The following NPSR1 variants were observed in gnomAD, a reference collection of about 807,000 sequenced individuals.
NPSR1 encodes neuropeptide S receptor 1, also known as neuropeptide S receptor.
A neutral mutation model predicts 46.9 loss-of-function variants in NPSR1; 48 were observed. The ratio of observed to expected loss-of-function variants is 1.02; its 90% CI spans 0.81 to 1.30. The LOEUF (loss-of-function observed/expected upper bound fraction) is 1.30. Among genes scored for constraint, NPSR1 ranks in the 50% most tolerant of loss-of-function variants. The probability of loss-of-function intolerance (pLI) is 0.00; values close to 1 mark genes in which losing one functional copy is unlikely to be tolerated. For missense variants in NPSR1, 450 were observed against 449.5 expected, an observed-to-expected ratio of 1.00 and a Z score of -0.01; for synonymous variants, 176 against 168.1, an observed-to-expected ratio of 1.05 and a Z score of -0.36.
chr7:34,744,330 T>C (rs895097235), intron 2 of NPSR1, among the ~76,000 whole-genome samples: 2 of 152,222 alleles, frequency 1.3e-5, no homozygotes, highest in Admixed American at 6.5e-5. Context: ...TTTATTGTTG[T>C]TTTAAAATTT....
intron 2 of NPSR1, among the ~76,000 whole-genome samples, chr7:34,701,940 G>T (rs1261403740): frequency 6.6e-6 from 1 of 152,158 alleles, no homozygotes; most frequent in Non-Finnish European, 1.5e-5. Context: ...GAATCTGCTG[G>T]AATTAGATTC....
chr7:34,750,147 A>C (rs1785446065), intron 2 of NPSR1: 1 of 316,354 alleles, frequency 3.2e-6, no homozygotes, highest in African/African-American at 2.2e-5. Flanking sequence ...TTTTTTCAAA[A>C]AAGGAGACAG....
At chr7:34,673,468 T>C (rs2128676146) in intron 1 of NPSR1, among the ~76,000 whole-genome samples, 2 of 152,284 alleles carry the variant, frequency 1.3e-5, no homozygotes, top group South Asian at 4.1e-4. Context: ...GATAAATGCC[T>C]TTCCCTCTGC....
At chr7:34,751,281 C>G (rs557722202) in intron 2 of NPSR1, 1 of 966,728 alleles carries the variant, frequency 1.0e-6, no homozygotes, top group East Asian at 2.4e-5. Context: ...GCATGGTGAA[C>G]AGAAGATGAG....
At chr7:34,690,148 C>T (rs183931153) in intron 2 of NPSR1, among the ~76,000 whole-genome samples, 14 of 151,910 alleles carry the variant, frequency 9.2e-5, no homozygotes, top group African/African-American at 2.2e-4. Context: ...TACCAAGAAA[C>T]GCTTATACAG....
intron 2 of NPSR1, among the ~76,000 whole-genome samples, chr7:34,727,099 G>A (rs1198778318): frequency 1.3e-5 from 2 of 152,074 alleles, no homozygotes; most frequent in Non-Finnish European, 2.9e-5. Flanking sequence ...CAGGGAGTGG[G>A]GGTTGTGCAT....
chr7:34,715,851 T>C (rs1416521631), intron 2 of NPSR1, among the ~76,000 whole-genome samples: 1 of 152,228 alleles, frequency 6.6e-6, no homozygotes, highest in Non-Finnish European at 1.5e-5. Flanking sequence ...GAGCAGCACC[T>C]GGGTGGTGAA....
At chr7:34,782,556 C>G (rs900420651) in intron 3 of NPSR1, among the ~76,000 whole-genome samples, 1 of 152,126 alleles carries the variant, frequency 6.6e-6, no homozygotes, top group South Asian at 2.1e-4. Context: ...GATGCTACCC[C>G]ACCCAACAAA....
chr7:34,725,317 A>G (rs1179139288), intron 2 of NPSR1, among the ~76,000 whole-genome samples: 2 of 152,210 alleles, frequency 1.3e-5, no homozygotes, highest in African/African-American at 4.8e-5. Context: ...CTGAATACCC[A>G]TAATAACATT....
chr7:34,690,304 G>A (rs1793183475), intron 2 of NPSR1, among the ~76,000 whole-genome samples: 1 of 152,162 alleles, frequency 6.6e-6, no homozygotes. Context: ...TTATCTGGAT[G>A]AGAAGGAACC....
At chr7:34,822,770 A>C (rs1468574782) in intron 4 of NPSR1, among the ~76,000 whole-genome samples, 1 of 152,188 alleles carries the variant, frequency 6.6e-6, no homozygotes, top group South Asian at 2.1e-4. Context: ...TTGGATTGAA[A>C]AAATTAACAC....
rs1369007655 is a variant in NPSR1 at position 34,863,438 on chromosome 7, C to A, written c.1026-14638C>A. Among the ~76,000 whole-genome samples the A allele has an allele frequency of 2.6e-5, 4 of 151,738 alleles. No individual in the cohort carries two copies. In the East Asian group the frequency reaches 7.7e-4, roughly 29 times the overall value. ...CAAAAGAAACTAACATCAGAGTGAACAGGCAACCTACAGAATGGGAGAAAA... is the reference window on the plus strand; with the variant it reads ...CAAAAGAAACTAACATCAGAGTGAAAAGGCAACCTACAGAATGGGAGAAAA... On this transcript the variant is annotated intron_variant, in intron 8 of 8. Transcript: ENST00000359791.
At chr7:34,739,921 G>A (rs1784860501) in intron 2 of NPSR1, among the ~76,000 whole-genome samples, 1 of 152,232 alleles carries the variant, frequency 6.6e-6, no homozygotes, top group Admixed American at 6.5e-5. Flanking sequence ...AGCATCAGCT[G>A]TGGTAGTATG....
At chr7:34,850,786 C>A (rs956573374), downstream of NPSR1, among the ~76,000 whole-genome samples, 2 of 152,156 alleles carry the variant, frequency 1.3e-5, no homozygotes, top group Non-Finnish European at 2.9e-5. Context: ...AAGGACAAGT[C>A]TTCCCGTTTT....
intron 2 of NPSR1, chr7:34,751,849 T>C (rs1785552998): frequency 1.3e-6 from 2 of 1,580,840 alleles, no homozygotes; most frequent in Admixed American, 1.7e-5. Flanking sequence ...CACTGCCACC[T>C]CTTTGAATGG....
intron 2 of NPSR1, among the ~76,000 whole-genome samples, chr7:34,725,690 G>T (rs1784109437): frequency 6.6e-6 from 1 of 152,140 alleles, no homozygotes; most frequent in Non-Finnish European, 1.5e-5. Context: ...AAAGAAAGTG[G>T]ATCAAGAGAA....
chr7:34,849,865 G>T lies in NPSR1; in HGVS notation c.*210G>T. ...CCAGTTATTCATGCCAGCCAGGAAG[G>T]AAACGCCTTCCTTCCCCACCATTCC... On this transcript the variant is annotated 3_prime_UTR_variant, in exon 9 of 9. Coordinates refer to ENST00000360581, the MANE Select transcript of NPSR1 (RefSeq NM_207172.2). 7.5e-7 allele frequency: 1 copy of T among 1,325,770 alleles called. No individual in the cohort carries two copies. The highest frequency in any genetic ancestry group is 9.7e-7 in the Non-Finnish European group (1 of 1,034,176). The allele number at this position is 1,325,770 out of a possible 1,614,324, so 82.1% of individuals were successfully genotyped here. A position where few individuals can be genotyped will look rare whatever the true frequency, so the allele number is the denominator to read the frequency against.
rs1583842016 is a variant in NPSR1 at position 34,703,183 on chromosome 7, C to T, written c.280+18499C>T. On this transcript the variant is annotated intron_variant, in intron 2 of 8. Transcript: ENST00000360581. ...GACCATCCTGGCTAACACGGTGAAA[C>T]CCCGTCTCTACTAAAAATACAAAAA... Among the ~76,000 whole-genome samples the T allele has an allele frequency of 2.0e-5, 3 of 152,270 alleles. 1 individual carries two copies. The highest frequency in any genetic ancestry group is 7.2e-5 in the African/African-American group (3 of 41,552).
chr7:34,861,102 T>G (rs1791182820), intron 8 of NPSR1, among the ~76,000 whole-genome samples: 2 of 151,828 alleles, frequency 1.3e-5, no homozygotes, highest in Non-Finnish European at 2.9e-5. Flanking sequence ...CTCAGCAGGT[T>G]CACCTGGTGA....
Sources: allele counts gnomAD v4.1 joint callset (sites outside exome capture counted in the v4.1 genomes callset), GRCh38; gene constraint gnomAD v4.1.1; transcripts MANE v1.5; gene names NCBI Gene and HGNC (gene_info 2026-07-23, HGNC 2026-07-21).